SHISA9: variants seen among roughly 807,000 people sequenced by gnomAD.
SHISA9 encodes the protein shisa family member 9.
In SHISA9, 13 loss-of-function variants were observed where a neutral mutation model predicts 38.0. The ratio of observed to expected loss-of-function variants is 0.34; its 90% CI spans 0.22 to 0.54. The LOEUF is 0.54. SHISA9 is among the 20% of genes least tolerant of loss of function. SHISA9 has a pLI of 0.91. For synonymous variants in SHISA9, 275 were observed against 242.0 expected, an observed-to-expected ratio of 1.14 and a Z score of -1.27; for missense variants, 538 against 575.8, an observed-to-expected ratio of 0.93 and a Z score of 0.67.
At chr16:13,367,580 A>C in the SHISA9 span, among the ~76,000 whole-genome samples, 1 of 150,630 alleles carries the variant, frequency 6.6e-6, no homozygotes, top group Non-Finnish European at 1.5e-5. Context: ...CCTAGCTTCT[A>C]TTGAATTCTG....
At chr16:13,310,128 T>C in the SHISA9 span, among the ~76,000 whole-genome samples, 1 of 152,172 alleles carries the variant, frequency 6.6e-6, no homozygotes, top group African/African-American at 2.4e-5. Context: ...CCTCAGGTGA[T>C]CCACCTGCCT....
intron 1 of SHISA9, among the ~76,000 whole-genome samples, chr16:12,915,889 T>C (rs900971885): frequency 6.6e-6 from 1 of 152,074 alleles, no homozygotes; most frequent in Admixed American, 6.6e-5. Context: ...AATAAACACA[T>C]GATGGAGTGT....
chr16:12,957,572 C>T (rs1596549556), intron 2 of SHISA9, among the ~76,000 whole-genome samples: 1 of 152,100 alleles, frequency 6.6e-6, no homozygotes, highest in African/African-American at 2.4e-5. Context: ...TTTATGACAT[C>T]ATCTAATCCT....
chr16:13,462,927 A>G, the SHISA9 span, among the ~76,000 whole-genome samples: 1 of 152,132 alleles, frequency 6.6e-6, no homozygotes, highest in Non-Finnish European at 1.5e-5. Flanking sequence ...GCACCATTGC[A>G]CTCCAGCCTG....
chr16:12,997,095 T>G (rs115101271), intron 2 of SHISA9, among the ~76,000 whole-genome samples: 2,622 of 152,140 alleles, frequency 0.017, 20 homozygotes, highest in African/African-American at 0.029. Flanking sequence ...GGAAGAGCAT[T>G]TTCATCACCC....
chr16:13,301,932 A>C, the SHISA9 span, among the ~76,000 whole-genome samples: 1 of 152,236 alleles, frequency 6.6e-6, no homozygotes, highest in African/African-American at 2.4e-5. Context: ...TTTGTGGTAC[A>C]TGCCTGGTGC....
chr16:13,269,655 A>T, the SHISA9 span, among the ~76,000 whole-genome samples: 624 of 152,334 alleles, frequency 4.1e-3, 4 homozygotes, highest in African/African-American at 0.013. Flanking sequence ...TTTCAGCTAT[A>T]TCATTCTGAG....
the SHISA9 span, among the ~76,000 whole-genome samples, chr16:13,546,882 C>G: frequency 6.6e-6 from 1 of 152,280 alleles, no homozygotes; most frequent in Admixed American, 6.5e-5. Context: ...AATTTGCTGA[C>G]CCCTGTGGTA....
At chr16:13,154,455 G>A (rs184907870) in intron 2 of SHISA9, among the ~76,000 whole-genome samples, 42 of 152,320 alleles carry the variant, frequency 2.8e-4, no homozygotes, top group African/African-American at 1.0e-3. Flanking sequence ...TACACAGTTA[G>A]CCATGTGCTT....
chr16:13,124,403 C>T (rs1162639077), intron 2 of SHISA9, among the ~76,000 whole-genome samples: 1 of 152,194 alleles, frequency 6.6e-6, no homozygotes, highest in African/African-American at 2.4e-5. Context: ...GGGATGGTGT[C>T]AGTTCCCCAA....
intron 3 of SHISA9, among the ~76,000 whole-genome samples, chr16:13,204,210 G>GTCTATCTATCTATCTA (rs199860829): frequency 9.1e-4 from 128 of 141,106 alleles, no homozygotes; most frequent in African/African-American, 1.8e-3. Context: ...CTGTCTGTCT[G>GTCTATCTATCTATCTA]TCTATCTATC....
chr16:13,110,594 G>A (rs1162051103), intron 2 of SHISA9, among the ~76,000 whole-genome samples: 1 of 152,148 alleles, frequency 6.6e-6, no homozygotes, highest in Non-Finnish European at 1.5e-5. Flanking sequence ...AGGGAGAGGA[G>A]AGCTGGAACT....
At chr16:13,143,200 G>A (rs2141997984) in intron 2 of SHISA9, among the ~76,000 whole-genome samples, 1 of 151,906 alleles carries the variant, frequency 6.6e-6, no homozygotes, top group Non-Finnish European at 1.5e-5. Context: ...GGTACAGACA[G>A]GGTTTCACCA....
the SHISA9 span, among the ~76,000 whole-genome samples, chr16:13,251,477 C>G: frequency 6.6e-6 from 1 of 152,118 alleles, no homozygotes; most frequent in East Asian, 1.9e-4. Flanking sequence ...AGAGGGTTAA[C>G]ACACCACGGC....
intron 2 of SHISA9, among the ~76,000 whole-genome samples, chr16:13,067,006 G>A (rs914064374): frequency 6.6e-6 from 1 of 152,146 alleles, no homozygotes; most frequent in Non-Finnish European, 1.5e-5. Context: ...AGATCCCCTA[G>A]AGCTTTAAAT....
chr16:13,276,219 C>G, the SHISA9 span, among the ~76,000 whole-genome samples: 91 of 150,282 alleles, frequency 6.1e-4, no homozygotes, highest in African/African-American at 2.1e-3. Flanking sequence ...CCAATCTCAT[C>G]CAGGTCACTG....
chr16:13,057,614 A>T (rs1486165181), intron 2 of SHISA9, among the ~76,000 whole-genome samples: 1 of 152,148 alleles, frequency 6.6e-6, no homozygotes, highest in East Asian at 1.9e-4. Flanking sequence ...ATAGTTTGAG[A>T]ACTGCTTGCT....
chr16:13,472,826 CAT>C, the SHISA9 span, among the ~76,000 whole-genome samples: 3 of 152,136 alleles, frequency 2.0e-5, no homozygotes, highest in African/African-American at 7.2e-5. Flanking sequence ...AAATCTCTTA[CAT>C]TGTAGTTTTC....
At chr16:13,126,077 G>A (rs1474611206) in intron 2 of SHISA9, among the ~76,000 whole-genome samples, 2 of 152,186 alleles carry the variant, frequency 1.3e-5, no homozygotes, top group African/African-American at 4.8e-5. Context: ...ACATATTCTA[G>A]CTACTGGCAA....
Sources: allele counts gnomAD v4.1 joint callset (sites outside exome capture counted in the v4.1 genomes callset), GRCh38; gene constraint gnomAD v4.1.1; transcripts MANE v1.5; gene names NCBI Gene and HGNC (gene_info 2026-07-23, HGNC 2026-07-21).